The following PACS1 variants were observed in gnomAD, a reference collection of about 807,000 sequenced individuals.
PACS1 encodes phosphofurin acidic cluster sorting protein 1, also known as PACS-1.
A neutral mutation model predicts 115.0 loss-of-function variants in PACS1; 24 were observed. The observed-to-expected ratio is 0.21, with a 90% confidence interval of 0.15 to 0.29. The LOEUF (loss-of-function observed/expected upper bound fraction) is 0.29. Ranked by LOEUF, PACS1 falls within the 10% of genes least tolerant of loss-of-function variation. PACS1 has a pLI of 1.00. For synonymous variants in PACS1, 453 were observed against 504.5 expected, an observed-to-expected ratio of 0.90 and a Z score of 1.37; for missense variants, 838 against 1,251.2, an observed-to-expected ratio of 0.67 and a Z score of 4.98.
chr11:66,143,937 G>A (rs1859060561), intron 1 of PACS1, among the ~76,000 whole-genome samples: 1 of 152,154 alleles, frequency 6.6e-6, no homozygotes, highest in African/African-American at 2.4e-5. Flanking sequence ...ACTGCACCTG[G>A]CCCCTGTTGA....
intron 1 of PACS1, among the ~76,000 whole-genome samples, chr11:66,108,384 G>A (rs572643648): frequency 6.6e-6 from 1 of 152,084 alleles, no homozygotes; most frequent in East Asian, 1.9e-4. Flanking sequence ...ACATCCTTAG[G>A]GCACTATCTC....
At chr11:66,229,929 C>G (rs1434200310) in intron 11 of PACS1, among the ~76,000 whole-genome samples, 2 of 150,466 alleles carry the variant, frequency 1.3e-5, no homozygotes, top group Non-Finnish European at 3.0e-5. Context: ...TGCGCTCCAA[C>G]CTAGGCAATA....
chr11:66,135,122 C>G (rs1168615009), intron 1 of PACS1, among the ~76,000 whole-genome samples: 1 of 152,028 alleles, frequency 6.6e-6, no homozygotes, highest in East Asian at 1.9e-4. Flanking sequence ...ATGGCTTGAA[C>G]CCGGGATGTG....
At chr11:66,113,793 A>G in intron 1 of PACS1, among the ~76,000 whole-genome samples, 1 of 152,182 alleles carries the variant, frequency 6.6e-6, no homozygotes, top group East Asian at 1.9e-4. Context: ...ATTTAGTATC[A>G]AGTCTAATTT....
chr11:66,232,306 G>A (rs757360506), intron 14 of PACS1, 30 bp downstream of exon 14: 1 of 1,304,380 alleles, frequency 7.7e-7, no homozygotes, highest in Non-Finnish European at 1.1e-6. Flanking sequence ...GGCCATGTGG[G>A]GTCCTGGAGG....
chr11:66,118,763 TG>T (rs1383942227), intron 1 of PACS1, among the ~76,000 whole-genome samples: 1 of 96,632 alleles, frequency 1.0e-5, no homozygotes, highest in Non-Finnish European at 1.9e-5. Flanking sequence ...CGAAACCCCA[TG>T]TCTACAAAAA....
At chr11:66,229,648 C>A (rs1347824450) in intron 11 of PACS1, among the ~76,000 whole-genome samples, 1 of 151,868 alleles carries the variant, frequency 6.6e-6, no homozygotes, top group Non-Finnish European at 1.5e-5. Flanking sequence ...CACTGCACTC[C>A]AGCTTGGGCG....
intron 1 of PACS1, among the ~76,000 whole-genome samples, chr11:66,155,876 G>A (rs1468985295): frequency 2.6e-5 from 4 of 152,064 alleles, no homozygotes; most frequent in Non-Finnish European, 5.9e-5. Context: ...TCCAATGAGA[G>A]CTCTGAGCAG....
At chr11:66,084,060 CAG>C (rs1857528031) in intron 1 of PACS1, 2 of 152,396 alleles carry the variant, frequency 1.3e-5, no homozygotes, top group Admixed American at 1.3e-4. Context: ...CTTCTGGGGA[CAG>C]GGTGGGCAGC....
intron 1 of PACS1, among the ~76,000 whole-genome samples, chr11:66,102,248 A>G (rs1319467400): frequency 6.6e-6 from 1 of 152,188 alleles, no homozygotes; most frequent in Non-Finnish European, 1.5e-5. Flanking sequence ...ATGCAGAATG[A>G]ACAGGACAGA....
At chr11:66,221,675 A>C in intron 10 of PACS1, 1 of 159,890 alleles carries the variant, frequency 6.3e-6, no homozygotes, top group Non-Finnish European at 1.4e-5. Flanking sequence ...AAAAAAGAAA[A>C]TGGCCTCATC....
Position 66,243,259 on chromosome 11 carries a change from C to A in PACS1, c.2871C>A (p.Phe957Leu). 1 of 1,604,012 alleles carries A rather than the reference C, an allele frequency of 6.2e-7. No individual in the cohort carries two copies. The highest frequency in any genetic ancestry group is 8.5e-7 in the Non-Finnish European group (1 of 1,175,062). The part of the protein sequence containing the change: ...THVKHFPVGL[F>L]SGSKAT Reference sequence around the variant, plus strand: ...TCAAGCACTTTCCAGTGGGACTCTTCAGTGGCAGCAAGGCCACCTGAGGCC... The same window carrying A: ...TCAAGCACTTTCCAGTGGGACTCTTAAGTGGCAGCAAGGCCACCTGAGGCC... The change falls in exon 24 of 24, where the codon TTC becomes TTA. Residue 957 changes from phenylalanine (F) to leucine (L), a missense_variant. By Grantham distance (22) the Phe-to-Leu change is conservative. Transcript: ENST00000320580.
At chr11:66,091,226 C>T (rs1054572248) in intron 1 of PACS1, among the ~76,000 whole-genome samples, 10 of 152,106 alleles carry the variant, frequency 6.6e-5, no homozygotes, top group African/African-American at 1.9e-4. Flanking sequence ...CTGCAACCTC[C>T]GCCTCCCAAG....
Position 66,221,068 on chromosome 11 carries a change from A to G in PACS1, c.1200-86A>G, listed in dbSNP as rs546130968. On this transcript the variant is annotated intron_variant, in intron 9 of 23. Coordinates refer to ENST00000320580, the MANE Select transcript of PACS1 (RefSeq NM_018026.4). ...CTGGACACCTGTAGCTTGTTGACCC[A>G]CCCTGAATGCCAGCTCCATTCAACT... is the stretch of plus-strand genomic sequence containing the variant. The G allele has an allele frequency of 5.3e-6, 7 of 1,313,954 alleles. No individual in the cohort carries two copies. In the African/African-American group the frequency reaches 7.2e-5, roughly 14 times the overall value. 81.4% of individuals were successfully genotyped at this position (1,313,954 alleles called of 1,614,324 possible).
chr11:66,216,826 G>T (rs772046573), intron 7 of PACS1, 51 bp downstream of exon 7: 5 of 1,356,088 alleles, frequency 3.7e-6, no homozygotes, highest in East Asian at 2.4e-5. Flanking sequence ...CAGTCTGGGG[G>T]TAGGTTGGCA....
Position 66,074,941 on chromosome 11 carries a change from G to GTTT in PACS1, c.356+4116_356+4118dup, listed in dbSNP as rs71036269. On this transcript the variant is annotated intron_variant, in intron 1 of 23. Transcript: ENST00000320580. ...TTAATTTTATTAATTTTTTTTTGGTGTTTTTTTTTTTTTTTTTTTGAGATG... is the reference window on the plus strand; with the variant it reads ...TTAATTTTATTAATTTTTTTTTGGTGTTTTTTTTTTTTTTTTTTTTTTGAGATG... Among the ~76,000 whole-genome samples the GTTT allele has an allele frequency of 5.2e-3, 588 of 114,174 alleles. 6 individuals carry two copies. The highest frequency in any genetic ancestry group is 8.7e-3 in the East Asian group (33 of 3,800). 74.9% of individuals were successfully genotyped at this position (114,174 alleles called of 152,430 possible).
chr11:66,100,217 G>A (rs1326576137), intron 1 of PACS1, among the ~76,000 whole-genome samples: 1 of 152,132 alleles, frequency 6.6e-6, no homozygotes, highest in Non-Finnish European at 1.5e-5. Context: ...TATTCAGACT[G>A]ATCTCTTAAA....
At chr11:66,220,872 C>T in intron 9 of PACS1, 81 bp downstream of exon 9, 1 of 1,419,260 alleles carries the variant, frequency 7.0e-7, no homozygotes, top group Non-Finnish European at 9.7e-7. Context: ...TCGCTGTCCC[C>T]TCTATTACCA....
At chr11:66,165,446 T>G (rs1859579890) in intron 1 of PACS1, among the ~76,000 whole-genome samples, 2 of 152,188 alleles carry the variant, frequency 1.3e-5, no homozygotes, top group Non-Finnish European at 2.9e-5. Context: ...ACCATCTCTA[T>G]GCCTCGACTC....
Sources: gnomAD v4.1 joint callset for allele counts (sites outside exome capture counted in the v4.1 genomes callset) on GRCh38, gnomAD v4.1.1 for gene constraint, MANE v1.5 for transcripts, NCBI Gene and HGNC (gene_info 2026-07-23, HGNC 2026-07-21) for gene names.